SPATA9: variants seen among roughly 807,000 people sequenced by gnomAD.
SPATA9 encodes spermatogenesis-associated protein 9.
SPATA9 carries 27 observed loss-of-function variants against 25.5 expected under a neutral mutation model. The observed-to-expected ratio is 1.06, with a 90% CI of 0.78 to 1.46. The LOEUF (loss-of-function observed/expected upper bound fraction) is 1.46. SPATA9 is among the 40% of genes most tolerant of loss of function. The pLI, the probability that SPATA9 is intolerant of heterozygous loss-of-function variation, is 0.00. For synonymous variants in SPATA9, 102 were observed against 105.7 expected, an observed-to-expected ratio of 0.97 and a Z score of 0.21; for missense variants, 282 against 297.5, an observed-to-expected ratio of 0.95 and a Z score of 0.38.
chr5:95,731,213 TC>T, the SPATA9 span: 1 of 999,888 alleles, frequency 1.0e-6, no homozygotes, highest in African/African-American at 1.7e-5. Flanking sequence ...GGGGAGCGCG[TC>T]CCCCGCATCC....
upstream of SPATA9, among the ~76,000 whole-genome samples, chr5:95,698,891 T>C (rs967702625): frequency 2.0e-5 from 3 of 151,862 alleles, no homozygotes; most frequent in Non-Finnish European, 4.4e-5. Context: ...ACTCAATTAC[T>C]AAAAAAAAGA....
At chr5:95,708,368 T>C in the SPATA9 span, among the ~76,000 whole-genome samples, 1 of 152,166 alleles carries the variant, frequency 6.6e-6, no homozygotes, top group East Asian at 1.9e-4. Flanking sequence ...TATGAAATCT[T>C]AATTCCCATG....
chr5:95,721,784 G>T, the SPATA9 span, among the ~76,000 whole-genome samples: 2 of 150,840 alleles, frequency 1.3e-5, no homozygotes, highest in African/African-American at 4.9e-5. Flanking sequence ...GAAAAAAACA[G>T]AAAGTGAAAA....
At chr5:95,659,675 A>G (rs989612700) in intron 4 of SPATA9, 1 of 152,152 alleles carries the variant, frequency 6.6e-6, no homozygotes, top group African/African-American at 2.4e-5. Context: ...AGGTTTTCCG[A>G]AAGAGGTAAC....
the SPATA9 span, among the ~76,000 whole-genome samples, chr5:95,726,077 G>T: frequency 6.6e-6 from 1 of 152,020 alleles, no homozygotes; most frequent in Non-Finnish European, 1.5e-5. Flanking sequence ...ACCATAAAGT[G>T]GAACATATTA....
At chr5:95,731,493 G>T in the SPATA9 span, 4 of 1,242,546 alleles carry the variant, frequency 3.2e-6, no homozygotes, top group Non-Finnish European at 4.0e-6. Context: ...GCCCGCCCTG[G>T]TCCCCGGCTC....
At chr5:95,728,655 A>C in the SPATA9 span, among the ~76,000 whole-genome samples, 19 of 152,308 alleles carry the variant, frequency 1.2e-4, no homozygotes, top group Non-Finnish European at 2.6e-4. Flanking sequence ...AAACTAATTA[A>C]TATGTCAGAG....
the SPATA9 span, among the ~76,000 whole-genome samples, chr5:95,704,231 G>A: frequency 3.3e-5 from 5 of 152,152 alleles, no homozygotes; most frequent in Non-Finnish European, 5.9e-5. Context: ...TCATGTTTGT[G>A]TATTACAAAA....
At chr5:95,685,043 TG>T (rs945198255), upstream of SPATA9, among the ~76,000 whole-genome samples, 4 of 152,344 alleles carry the variant, frequency 2.6e-5, no homozygotes, top group East Asian at 1.9e-4. Flanking sequence ...TATAGAAATC[TG>T]GGGGTCAGTC....
At chr5:95,684,846 T>G (rs541792564), upstream of SPATA9, 1 of 152,340 alleles carries the variant, frequency 6.6e-6, no homozygotes, top group Non-Finnish European at 1.5e-5. Context: ...GAGTACCCCA[T>G]AATTATAAAA....
the SPATA9 span, among the ~76,000 whole-genome samples, chr5:95,703,807 C>T: frequency 7.1e-5 from 10 of 140,456 alleles, no homozygotes; most frequent in Non-Finnish European, 1.4e-4. Flanking sequence ...AAAATAGTTT[C>T]ATAAAAATTA....
downstream of SPATA9, chr5:95,657,768 T>C (rs1407071324): frequency 6.6e-6 from 1 of 152,168 alleles, no homozygotes; most frequent in Non-Finnish European, 1.5e-5. Context: ...TTTTTATAGA[T>C]ACTGTTTGTG....
At chr5:95,660,573 C>A (rs1580282615) in intron 4 of SPATA9, among the ~76,000 whole-genome samples, 1 of 152,220 alleles carries the variant, frequency 6.6e-6, no homozygotes, top group African/African-American at 2.4e-5. Flanking sequence ...CCTTTAAAGT[C>A]ATGACCTTTA....
At position 95,682,774 on chromosome 5, in the gene SPATA9, TACA is replaced by T. The variant is rs766695579; in HGVS notation, c.61+17_61+19del. On this transcript the variant is annotated intron_variant, in intron 1 of 4. Transcript: ENST00000274432. ...ATTGTTCCCACACCCATACGCCCTT[TACA>T]ACAAGATTGTGTATACTTCTTCCAG... 7.8e-6 allele frequency: 12 copies of T among 1,542,188 alleles called. No individual in the cohort carries two copies. In the African/African-American group the frequency reaches 1.2e-4, roughly 16 times the overall value.
chr5:95,728,634 C>T, the SPATA9 span, among the ~76,000 whole-genome samples: 3 of 152,240 alleles, frequency 2.0e-5, no homozygotes, highest in East Asian at 5.8e-4. Context: ...ATTGAGTGTG[C>T]TAATATTCAC....
chr5:95,726,739 A>C, the SPATA9 span, among the ~76,000 whole-genome samples: 1 of 152,166 alleles, frequency 6.6e-6, no homozygotes, highest in Non-Finnish European at 1.5e-5. Context: ...CTGTAACAGT[A>C]GTTTACTTAA....
chr5:95,715,930 A>C, the SPATA9 span, among the ~76,000 whole-genome samples: 3 of 152,242 alleles, frequency 2.0e-5, no homozygotes, highest in African/African-American at 7.2e-5. Context: ...CAGATACCAC[A>C]TAAAAAGACA....
At chr5:95,702,949 T>C (rs1054033301), upstream of SPATA9, among the ~76,000 whole-genome samples, 4 of 152,222 alleles carry the variant, frequency 2.6e-5, no homozygotes, top group African/African-American at 9.6e-5. Context: ...TTCACTCCTA[T>C]AGTTTGCATT....
the SPATA9 span, among the ~76,000 whole-genome samples, chr5:95,710,376 C>G: frequency 6.6e-6 from 1 of 152,178 alleles, no homozygotes; most frequent in African/African-American, 2.4e-5. Flanking sequence ...CATTTGACAT[C>G]CATTTGCCAG....
Sources: gnomAD v4.1 joint callset for allele counts (sites outside exome capture counted in the v4.1 genomes callset) on GRCh38, gnomAD v4.1.1 for gene constraint, MANE v1.5 for transcripts, NCBI Gene and HGNC (gene_info 2026-07-23, HGNC 2026-07-21) for gene names.